TTC39C: variants seen among roughly 807,000 people sequenced by gnomAD.
TTC39C encodes the protein tetratricopeptide repeat protein 39C.
A neutral mutation model predicts 76.3 loss-of-function variants in TTC39C; 33 were observed. The ratio of observed to expected loss-of-function variants is 0.43; its 90% CI spans 0.33 to 0.58. TTC39C has a LOEUF of 0.58. Among genes scored for constraint, TTC39C ranks in the 20% least tolerant of loss-of-function variants. TTC39C has a pLI of 0.04. For synonymous variants in TTC39C, 254 were observed against 260.6 expected, an observed-to-expected ratio of 0.97 and a Z score of 0.24; for missense variants, 595 against 701.4, an observed-to-expected ratio of 0.85 and a Z score of 1.71.
chr18:24,043,477 T>TA (rs1485740128), intron 1 of TTC39C, among the ~76,000 whole-genome samples: 1 of 151,958 alleles, frequency 6.6e-6, no homozygotes, highest in Non-Finnish European at 1.5e-5. Context: ...AACAGAAAAA[T>TA]ACAATTAAAG....
chr18:24,038,455 G>C (rs1177486133), intron 1 of TTC39C, among the ~76,000 whole-genome samples: 1 of 151,912 alleles, frequency 6.6e-6, no homozygotes, highest in African/African-American at 2.4e-5. Context: ...GCTAATTTTT[G>C]TAGTTTTTGT....
intron 8 of TTC39C, 141 bp downstream of exon 8, chr18:24,118,373 C>T (rs2077465444): frequency 1.6e-6 from 1 of 622,362 alleles, no homozygotes; most frequent in Admixed American, 3.0e-5. Context: ...ATGTTTTGTG[C>T]AACCAAGTAA....
intron 1 of TTC39C, among the ~76,000 whole-genome samples, chr18:24,025,875 G>A (rs186114568): frequency 6.6e-6 from 1 of 152,360 alleles, no homozygotes; most frequent in African/African-American, 2.4e-5. Context: ...GGCTGGCACA[G>A]CTGTGGCTGA....
At chr18:24,032,456 T>G (rs1357924702) in intron 1 of TTC39C, among the ~76,000 whole-genome samples, 1 of 152,148 alleles carries the variant, frequency 6.6e-6, no homozygotes, top group African/African-American at 2.4e-5. Flanking sequence ...ATGTGTTGGA[T>G]TTCAGATTTT....
At chr18:24,023,183 T>C (rs1027913109) in intron 1 of TTC39C, among the ~76,000 whole-genome samples, 2 of 152,104 alleles carry the variant, frequency 1.3e-5, no homozygotes, top group African/African-American at 4.8e-5. Flanking sequence ...TCCTCATCAC[T>C]CCCTCCCATT....
intron 1 of TTC39C, among the ~76,000 whole-genome samples, chr18:24,046,409 A>G: frequency 6.6e-6 from 1 of 151,890 alleles, no homozygotes; most frequent in Admixed American, 6.5e-5. Flanking sequence ...GTATAATTAC[A>G]TCACATTTTC....
intron 6 of TTC39C, among the ~76,000 whole-genome samples, chr18:24,102,051 G>GT (rs1291670193): frequency 6.6e-6 from 1 of 152,186 alleles, no homozygotes; most frequent in East Asian, 1.9e-4. Flanking sequence ...AAAGAAGGCA[G>GT]TACCTCCCAC....
intron 1 of TTC39C, among the ~76,000 whole-genome samples, chr18:24,017,806 C>T (rs562923572): frequency 4.7e-4 from 71 of 152,236 alleles, no homozygotes; most frequent in African/African-American, 1.7e-3. Context: ...AGGGGGACAC[C>T]CTTCCTCTAC....
At chr18:24,103,573 C>T (rs1005150509) in intron 6 of TTC39C, among the ~76,000 whole-genome samples, 4 of 152,208 alleles carry the variant, frequency 2.6e-5, no homozygotes, top group South Asian at 2.1e-4. Flanking sequence ...TCAAGGTCAG[C>T]GTCAGCTTTT....
At chr18:24,014,749 C>T (rs2083427787), upstream of TTC39C, 1 of 1,131,272 alleles carries the variant, frequency 8.8e-7, no homozygotes, top group Non-Finnish European at 1.1e-6. Flanking sequence ...CTTCTCCCCT[C>T]CCCTCCCCTC....
At chr18:24,025,402 G>T (rs1257600638) in intron 1 of TTC39C, among the ~76,000 whole-genome samples, 1 of 152,206 alleles carries the variant, frequency 6.6e-6, no homozygotes, top group Non-Finnish European at 1.5e-5. Flanking sequence ...GCTGCGGTTT[G>T]TTGACAACTC....
At chr18:24,002,726 A>G (rs2145627577) in intron 1 of TTC39C, among the ~76,000 whole-genome samples, 1 of 152,310 alleles carries the variant, frequency 6.6e-6, no homozygotes, top group Non-Finnish European at 1.5e-5. Context: ...AAACTGTAGA[A>G]AAAAGCAGAA....
In TTC39C at chr18:24,122,116, C is replaced by G. The variant is rs138737082; in HGVS notation, c.1187-1718C>G. Among the ~76,000 whole-genome samples, 907 of 152,276 alleles carry G rather than the reference C, an allele frequency of 6.0e-3. 10 individuals carry two copies. Among genetic ancestry groups the G allele is most frequent in the African/African-American group, 0.021 (856 of 41,540 alleles). On this transcript the variant is annotated intron_variant, in intron 8 of 13. Transcript: ENST00000317571. ...GCCTCAATTCTTGGACCCTTGGGCT[C>G]TGCCGATGGTAGCCTATCCTGGTAC...
chr18:24,006,004 T>C (rs1376915268), intron 1 of TTC39C, among the ~76,000 whole-genome samples: 2 of 128,586 alleles, frequency 1.6e-5, no homozygotes, highest in African/African-American at 5.6e-5. Flanking sequence ...AGTGAGCTTA[T>C]CCTACAGAAT....
chr18:24,030,213 G>A (rs1351263323), intron 1 of TTC39C, among the ~76,000 whole-genome samples: 1 of 152,170 alleles, frequency 6.6e-6, no homozygotes, highest in Non-Finnish European at 1.5e-5. Flanking sequence ...TATCAGTGCT[G>A]TCTCCATGTG....
chr18:24,032,874 A>G (rs1000886904), intron 1 of TTC39C, among the ~76,000 whole-genome samples: 4 of 152,282 alleles, frequency 2.6e-5, no homozygotes, highest in Non-Finnish European at 4.4e-5. Context: ...AGGGGTTTGT[A>G]GAAAAACAGA....
intron 1 of TTC39C, among the ~76,000 whole-genome samples, chr18:24,039,417 G>C (rs545999925): frequency 5.9e-5 from 9 of 152,354 alleles, no homozygotes; most frequent in African/African-American, 2.2e-4. Context: ...CACATGATAG[G>C]TGGGTCTGTG....
intron 1 of TTC39C, among the ~76,000 whole-genome samples, chr18:24,043,743 A>G: frequency 6.6e-6 from 1 of 152,232 alleles, no homozygotes. Context: ...TATTAAATCC[A>G]TAAAGTCCCT....
chr18:24,043,196 T>TA (rs1333940870), intron 1 of TTC39C, among the ~76,000 whole-genome samples: 2 of 151,916 alleles, frequency 1.3e-5, no homozygotes, highest in African/African-American at 4.8e-5. Flanking sequence ...AAGAATGAAA[T>TA]AAAAAAACTA....
Sources: allele counts gnomAD v4.1 joint callset (sites outside exome capture counted in the v4.1 genomes callset), GRCh38; gene constraint gnomAD v4.1.1; transcripts MANE v1.5; gene names NCBI Gene and HGNC (gene_info 2026-07-23, HGNC 2026-07-21).